Variants in TMEM25 observed in about 807,000 individuals in gnomAD.
The protein encoded by TMEM25 is 0610039J01Rik.
A neutral mutation model predicts 37.0 loss-of-function variants in TMEM25; 36 were observed. That is an observed-to-expected ratio of 0.97 (90% CI 0.75 to 1.28). TMEM25 has a LOEUF of 1.28. Among genes scored for constraint, TMEM25 ranks in the 50% most tolerant of loss-of-function variants. TMEM25 has a pLI of 0.00. For missense variants in TMEM25, 444 were observed against 477.9 expected (o/e 0.93, Z 0.66); for synonymous variants, 197 against 203.7 (o/e 0.97, Z 0.28).
At chr11:118,541,826 C>T (rs56698486) in intron 8 of TMEM25, among the ~76,000 whole-genome samples, 9 of 152,148 alleles carry the variant, frequency 5.9e-5, no homozygotes, top group Non-Finnish European at 1.0e-4. Context: ...GGCACAATCA[C>T]GGCTCACTGC....
In TMEM25 at chr11:118,542,613, T is replaced by A. The variant is rs115739519; in HGVS notation, c.1028-3506T>A. 7.1e-3 allele frequency among the ~76,000 whole-genome samples: 1,071 copies of A among 151,500 alleles called. 15 individuals carry two copies. Among genetic ancestry groups the A allele is most frequent in the African/African-American group, 0.024 (996 of 41,280 alleles). On this transcript the variant is annotated intron_variant, in intron 8 of 8. Coordinates refer to the TMEM25 transcript ENST00000354284. The stretch of plus-strand genomic sequence containing the variant: ...ACAAGAACTTGTCTCTACAAAAAAA[T>A]ATATATATAAAAATTAAGCCTGGGC...
chr11:118,533,282 A>G, intron 4 of TMEM25, 75 bp downstream of exon 4: 1 of 1,559,102 alleles, frequency 6.4e-7, no homozygotes, highest in Non-Finnish European at 8.7e-7. Flanking sequence ...AGAAATGGGA[A>G]TACTTGTTGC....
chr11:118,534,076 A>G lies in TMEM25; in HGVS notation c.884A>G (p.Asn295Ser). 6.2e-7 allele frequency: 1 copy of G among 1,614,148 alleles called. No individual in the cohort carries two copies. The highest frequency in any genetic ancestry group is 1.1e-5 in the South Asian group (1 of 91,076). The change falls in exon 7 of 9, where the codon AAC (asparagine) becomes AGC (serine). Residue 295 changes from asparagine to serine, a missense_variant. Transcript: ENST00000313236. The surrounding 1 kb of genome is among the most constrained non-coding windows in gnomAD (Gnocchi z 4.6). ...AACAACGTGCGCCTGCCACGGGAGA[A>G]CATGTCCCTCCCGTCCAACCTTCAG... ...KLNNVRLPRE[N>S]MSLPSNLQLN...
At chr11:118,542,970 A>G (rs1316006938) in intron 8 of TMEM25, among the ~76,000 whole-genome samples, 1 of 152,010 alleles carries the variant, frequency 6.6e-6, no homozygotes, top group Non-Finnish European at 1.5e-5. Context: ...GGCTGGGCGC[A>G]GTGGCTCATG....
intron 1 of TMEM25, chr11:118,531,523 G>T: frequency 1.8e-6 from 1 of 549,332 alleles, no homozygotes; most frequent in South Asian, 2.5e-5. Flanking sequence ...CTGCGTATCT[G>T]CGGGTGTGTG....
At chr11:118,542,833 A>G (rs1481372778) in intron 8 of TMEM25, among the ~76,000 whole-genome samples, 1 of 151,840 alleles carries the variant, frequency 6.6e-6, no homozygotes, top group Non-Finnish European at 1.5e-5. Flanking sequence ...GAATTGCTTG[A>G]ACCCAGAAGG....
chr11:118,536,492 G>A (rs1445368652), downstream of TMEM25, among the ~76,000 whole-genome samples: 4 of 152,130 alleles, frequency 2.6e-5, no homozygotes, highest in Non-Finnish European at 4.4e-5. Flanking sequence ...ACTGCGCCCG[G>A]CCTAATATGT....
In TMEM25 at chr11:118,532,237, G is replaced by A. The variant is rs572377333; in HGVS notation, c.158G>A (p.Arg53Gln). ...AATGAACGCCACGCCTTCACCTGCC[G>A]GGTGGCAGGGGGGCCTGGCACCCCC... ...RENERHAFTCRVAGGPGTPRL... is the reference protein window; with the variant it reads ...RENERHAFTCQVAGGPGTPRL... The change falls in exon 3 of 9, where the codon CGG (arginine) becomes CAG (glutamine). Residue 53 changes from arginine to glutamine, a missense_variant. Arg to Gln is a conservative substitution (Grantham distance 43, BLOSUM62 1). Transcript: ENST00000313236. The A allele has an allele frequency of 1.8e-5, 29 of 1,613,268 alleles. No homozygotes were observed. Among genetic ancestry groups the A allele is most frequent in the East Asian group, 1.3e-4 (6 of 44,876 alleles).
intron 8 of TMEM25, among the ~76,000 whole-genome samples, chr11:118,541,833 C>A (rs1221128462): frequency 2.6e-5 from 4 of 152,190 alleles, no homozygotes; most frequent in African/African-American, 9.6e-5. Context: ...TCACGGCTCA[C>A]TGCAGCCTCG....
At position 118,546,308 on chromosome 11, in the gene TMEM25, G is replaced by A. The variant is rs2135467710; in HGVS notation, c.*161G>A. 3 of 609,362 alleles carry A rather than the reference G, an allele frequency of 4.9e-6. No individual in the cohort carries two copies. The East Asian group carries it at 8.4e-5, about 17-fold the overall frequency. The allele number at this position is 609,362 out of a possible 1,614,324, so 37.7% of individuals were successfully genotyped here. A position where few individuals can be genotyped will look rare whatever the true frequency, so the allele number is the denominator to read the frequency against. On this transcript the variant is annotated 3_prime_UTR_variant, in exon 9 of 9. Coordinates refer to the TMEM25 transcript ENST00000354284. Reference sequence around the variant, plus strand: ...AGCCTAGGAGTTCGAGACCAGCCTGGGCAACATGGTGAAATTCCATCTCTA... The same window carrying A: ...AGCCTAGGAGTTCGAGACCAGCCTGAGCAACATGGTGAAATTCCATCTCTA...
intron 8 of TMEM25, among the ~76,000 whole-genome samples, chr11:118,541,158 C>T (rs1951572925): frequency 6.6e-6 from 1 of 152,104 alleles, no homozygotes; most frequent in Non-Finnish European, 1.5e-5. Flanking sequence ...GTACTTTTCA[C>T]TGTTTAGAAA....
downstream of TMEM25, among the ~76,000 whole-genome samples, chr11:118,539,665 G>C (rs1010062919): frequency 1.3e-5 from 2 of 152,108 alleles, no homozygotes; most frequent in Non-Finnish European, 2.9e-5. Context: ...GTATTGTGGA[G>C]GGTGTACTTT....
At chr11:118,541,843 G>A (rs1216803099) in intron 8 of TMEM25, among the ~76,000 whole-genome samples, 5 of 152,060 alleles carry the variant, frequency 3.3e-5, no homozygotes, top group Non-Finnish European at 5.9e-5. Context: ...CTGCAGCCTC[G>A]ACCTCCCGGG....
Position 118,534,404 on chromosome 11 carries a change from T to G in TMEM25, c.1027+49T>G. The G allele has an allele frequency of 6.2e-7, 1 of 1,611,050 alleles. No homozygotes were observed. Among genetic ancestry groups the G allele is most frequent in the Non-Finnish European group, 8.5e-7 (1 of 1,178,578 alleles). ...CCTCCTCCTCTGCCCCCCAGCCCTG[T>G]GCTTATGCCAGAGGCCTCCAAGTGC... On this transcript the variant is annotated intron_variant, in intron 8 of 8. Coordinates refer to ENST00000313236, the MANE Select transcript of TMEM25 (RefSeq NM_032780.4). The surrounding 1 kb of genome is among the most constrained non-coding windows in gnomAD (Gnocchi z 4.6).
intron 3 of TMEM25, 167 bp downstream of exon 3, chr11:118,532,628 C>T (rs1951341647): frequency 2.3e-6 from 2 of 877,784 alleles, no homozygotes; most frequent in African/African-American, 1.7e-5. Context: ...ATTGTCGTCA[C>T]CATTTTACAA....
Position 118,534,388 on chromosome 11 carries a change from C to G in TMEM25, c.1027+33C>G. On this transcript the variant is annotated intron_variant, in intron 8 of 8. Coordinates refer to ENST00000313236, the MANE Select transcript of TMEM25 (RefSeq NM_032780.4). This position sits in a 1 kb window ranked among gnomAD's most constrained non-coding sequence, Gnocchi z 4.6. ...GGAAGGGGCCTGCCACCCTCCTCCTCTGCCCCCCAGCCCTGTGCTTATGCC... is the reference window on the plus strand; with the variant it reads ...GGAAGGGGCCTGCCACCCTCCTCCTGTGCCCCCCAGCCCTGTGCTTATGCC... The G allele has an allele frequency of 6.2e-7, 1 of 1,612,004 alleles. No homozygotes were observed. Among genetic ancestry groups the G allele is most frequent in the Non-Finnish European group, 8.5e-7 (1 of 1,179,166 alleles).
At chr11:118,540,279 G>A (rs1283743688), downstream of TMEM25, among the ~76,000 whole-genome samples, 4 of 151,854 alleles carry the variant, frequency 2.6e-5, no homozygotes, top group Non-Finnish European at 5.9e-5. Flanking sequence ...TGGCTGTGGG[G>A]GCTTCTGGTT....
intron 8 of TMEM25, chr11:118,545,332 A>G (rs1478199871): frequency 7.3e-6 from 8 of 1,100,572 alleles, no homozygotes; most frequent in African/African-American, 1.6e-5. Context: ...ATAGGATGCA[A>G]TCACAGCAGG....
At chr11:118,541,487 A>G (rs1025687824) in intron 8 of TMEM25, among the ~76,000 whole-genome samples, 2 of 151,676 alleles carry the variant, frequency 1.3e-5, no homozygotes, top group Non-Finnish European at 2.9e-5. Context: ...AAAGAAAAAG[A>G]AACTTCACCT....
Sources: allele counts gnomAD v4.1 joint callset (sites outside exome capture counted in the v4.1 genomes callset), GRCh38; gene constraint gnomAD v4.1.1; non-coding constraint Gnocchi (gnomAD v3.1); transcripts MANE v1.5; gene names NCBI Gene and HGNC (gene_info 2026-07-23, HGNC 2026-07-21).